CNTN2: variants seen among roughly 807,000 people sequenced by gnomAD.
CNTN2 encodes the protein contactin-2.
Under a neutral mutation model 117.5 loss-of-function variants are expected in CNTN2, and 53 were observed. The observed-to-expected ratio is 0.45, with a 90% CI of 0.36 to 0.57. CNTN2 has a LOEUF of 0.57. Among genes scored for constraint, CNTN2 ranks in the 20% least tolerant of loss-of-function variants. The pLI, the probability that CNTN2 is intolerant of heterozygous loss-of-function variation, is 0.00. For missense variants in CNTN2, 1,106 were observed against 1,404.3 expected, an observed-to-expected ratio of 0.79 and a Z score of 3.39; for synonymous variants, 530 against 561.7, an observed-to-expected ratio of 0.94 and a Z score of 0.80.
intron 7 of CNTN2, chr1:205,060,863 G>C (rs947484179): frequency 9.6e-6 from 2 of 208,206 alleles, no homozygotes; most frequent in Non-Finnish European, 9.5e-6. Context: ...CTGCCCTGTA[G>C]AGGCAACGGA....
chr1:205,064,732 G>A lies in CNTN2; in HGVS notation c.1501G>A (p.Gly501Arg), dbSNP rs1064794478. ...CTTCATGGGCAAAGCCAACAGCACT[G>A]GAATCCTATCTGTGCGAGGTGAGGG... ...ENFMGKANSTGILSVRDATKI... is the reference protein window; with the variant it reads ...ENFMGKANSTRILSVRDATKI... Residue 501 changes from glycine (G) to arginine (R), a missense_variant, in exon 12 of 23, where the codon GGA (glycine) becomes AGA (arginine). Coordinates refer to ENST00000331830, the MANE Select transcript of CNTN2 (RefSeq NM_005076.5). The A allele has an allele frequency of 3.7e-6, 6 of 1,614,080 alleles. No individual in the cohort carries two copies. In the Middle Eastern group the frequency reaches 6.6e-4, roughly 178 times the overall value.
At chr1:205,070,095 C>G (rs1046617299) in intron 18 of CNTN2, 34 bp downstream of exon 18, 3 of 1,594,656 alleles carry the variant, frequency 1.9e-6, no homozygotes, top group African/African-American at 1.3e-5. Flanking sequence ...CTCGTCCCTA[C>G]CCCAGCCACT....
In CNTN2 at chr1:205,065,745, G is replaced by C; in HGVS notation, c.1696-44G>C. ...TCTCATGGCCTGCTGCACTGGTCAG[G>C]GCCGGTGGTCTGACCTGCTGCCCCT... On this transcript the variant is annotated intron_variant, in intron 13 of 22. Transcript: ENST00000331830. This position sits in a 1 kb window ranked among gnomAD's most constrained non-coding sequence, Gnocchi z 4.1. 1 of 1,613,478 alleles carries C rather than the reference G, an allele frequency of 6.2e-7. No homozygotes were observed. Among genetic ancestry groups the C allele is most frequent in the Non-Finnish European group, 8.5e-7 (1 of 1,179,874 alleles).
intron 1 of CNTN2, among the ~76,000 whole-genome samples, chr1:205,049,088 G>A (rs1323750844): frequency 1.3e-5 from 2 of 152,050 alleles, no homozygotes; most frequent in African/African-American, 4.8e-5. Context: ...TCTCCTCTAA[G>A]GCTGTATGTC....
intron 7 of CNTN2, chr1:205,060,769 T>C (rs1231456083): frequency 6.5e-6 from 1 of 153,380 alleles, no homozygotes; most frequent in Admixed American, 6.6e-5. Context: ...GGGGAATATA[T>C]TAACCCATTA....
chr1:205,057,762 G>A (rs1054515028), intron 2 of CNTN2, 159 bp from the exon 3 acceptor site: 1 of 665,602 alleles, frequency 1.5e-6, no homozygotes, highest in Non-Finnish European at 2.5e-6. Context: ...CATGTCAAGT[G>A]CTCGATAGCC....
In CNTN2 at chr1:205,064,609, T is replaced by C. The variant is rs756676784; in HGVS notation, c.1392-14T>C. On this transcript the variant is annotated splice_polypyrimidine_tract_variant and intron_variant, in intron 11 of 22. Transcript: ENST00000331830. ...ATGCCTGAGTTGGCCACATCTGCCT[T>C]GTCCTTGCCACAGAGTGACTGTAAC... 11 of 1,613,612 alleles carry C rather than the reference T, an allele frequency of 6.8e-6. No homozygotes were observed. The highest frequency in any genetic ancestry group is 2.2e-5 in the South Asian group (2 of 91,030).
At chr1:205,068,136 A>AG (rs992723456) in intron 16 of CNTN2, 2 of 151,984 alleles carry the variant, frequency 1.3e-5, no homozygotes, top group African/African-American at 2.4e-5. Flanking sequence ...GTGGAGAAGG[A>AG]GGGGGAGAAA....
At position 205,066,336 on chromosome 1, in the gene CNTN2, T is replaced by A. The variant is rs1409721228; in HGVS notation, c.1817-105T>A. On this transcript the variant is annotated intron_variant, in intron 14 of 22. Transcript: ENST00000331830. ...GGTGTGTGTTCACTGCATCCTCTGC[T>A]GCCCTGTCTTGGTACTGTACCAGCT... is the stretch of plus-strand genomic sequence containing the variant. 6 of 1,372,548 alleles carry A rather than the reference T, an allele frequency of 4.4e-6. No individual in the cohort carries two copies. The Admixed American group carries it at 6.2e-5, about 14-fold the overall frequency. 85.0% of individuals were successfully genotyped at this position (1,372,548 alleles called of 1,614,324 possible).
At chr1:205,055,408 T>C (rs1052365894) in intron 2 of CNTN2, among the ~76,000 whole-genome samples, 1 of 152,062 alleles carries the variant, frequency 6.6e-6, no homozygotes, top group Non-Finnish European at 1.5e-5. Flanking sequence ...TGTCTGTGGA[T>C]ATGGATGGCT....
chr1:205,070,825 G>A (rs575153623), intron 19 of CNTN2: 44 of 208,298 alleles, frequency 2.1e-4, no homozygotes, highest in African/African-American at 9.8e-4. Context: ...GTGAAGCCCC[G>A]CCTCTACTAA....
chr1:205,069,782 A>T (rs763695502), intron 17 of CNTN2, 45 bp from the exon 18 acceptor site: 2 of 1,581,274 alleles, frequency 1.3e-6, no homozygotes, highest in Non-Finnish European at 1.7e-6. Flanking sequence ...ACGGGCAGGG[A>T]CACATGCCGC....
intron 2 of CNTN2, chr1:205,057,624 T>A (rs1477726505): frequency 1.1e-5 from 3 of 267,994 alleles, no homozygotes; most frequent in African/African-American, 2.2e-5. Flanking sequence ...GCTCAATACC[T>A]AAGTGTAGGA....
At chr1:205,067,434 T>A in intron 16 of CNTN2, 184 bp downstream of exon 16, 1 of 568,012 alleles carries the variant, frequency 1.8e-6, no homozygotes, top group African/African-American at 1.9e-5. Context: ...GGACAAACCA[T>A]CTAGTCCAAA....
At position 205,065,161 on chromosome 1, in the gene CNTN2, G is replaced by A; in HGVS notation, c.1594G>A (p.Ala532Thr). ...LGDNLTLQCHASHDPTMDLTF... is the reference protein window; with the variant it reads ...LGDNLTLQCHTSHDPTMDLTF... ...TGACAACCTGACCCTACAGTGCCAT[G>A]CCTCCCACGACCCCACCATGGACCT... The change falls in exon 13 of 23, where the codon GCC becomes ACC. Residue 532 changes from alanine to threonine, a missense_variant. Coordinates refer to ENST00000331830, the MANE Select transcript of CNTN2 (RefSeq NM_005076.5). This position sits in a 1 kb window ranked among gnomAD's most constrained non-coding sequence, Gnocchi z 4.1. 6.2e-7 allele frequency: 1 copy of A among 1,614,104 alleles called. No homozygotes were observed. The highest frequency in any genetic ancestry group is 8.5e-7 in the Non-Finnish European group (1 of 1,180,018).
chr1:205,059,013 G>T lies in CNTN2; in HGVS notation c.488-71G>T. 4.3e-6 allele frequency: 6 copies of T among 1,394,158 alleles called. No homozygotes were observed. The highest frequency in any genetic ancestry group is 1.8e-4 in the Middle Eastern group (1 of 5,636). The allele number at this position is 1,394,158 out of a possible 1,614,324, so 86.4% of individuals were successfully genotyped here. A position where few individuals can be genotyped will look rare whatever the true frequency, so the allele number is the denominator to read the frequency against. ...AGGGCTTGCAGAACCGCACCAGCATGCTGGGGTCCCACCCAGAGTGGCCCT... is the reference window on the plus strand; with the variant it reads ...AGGGCTTGCAGAACCGCACCAGCATTCTGGGGTCCCACCCAGAGTGGCCCT... On this transcript the variant is annotated intron_variant, in intron 5 of 22. Coordinates refer to ENST00000331830, the MANE Select transcript of CNTN2 (RefSeq NM_005076.5). This position sits in a 1 kb window ranked among gnomAD's most constrained non-coding sequence, Gnocchi z 5.6.
Position 205,064,471 on chromosome 1 carries a change from AG to A in CNTN2, c.1391+1del. The A allele has an allele frequency of 1.9e-6, 3 of 1,608,110 alleles. No homozygotes were observed. The highest frequency in any genetic ancestry group is 2.6e-6 in the Non-Finnish European group (3 of 1,175,340). On this transcript the variant is annotated frameshift_variant and splice_region_variant, in exon 11 of 23. Coordinates refer to ENST00000331830, the MANE Select transcript of CNTN2 (RefSeq NM_005076.5). LOFTEE classifies it high-confidence loss of function. The stretch of plus-strand genomic sequence containing the variant: ...CACGGAGATTTTGGTCAACAGCAGC[AG>A]GTACCACCCACACCCCACCCTGCAC... ...KGTEILVNSS[R>X]VTVTPDGTLI...
At position 205,067,411 on chromosome 1, in the gene CNTN2, A is replaced by G. The variant is rs186564424; in HGVS notation, c.2125+161A>G. ...GAGGACAGAACACCAAGTTGGGACC[A>G]GGGCCACTGCATGGACAAACCATCT... On this transcript the variant is annotated intron_variant, in intron 16 of 22. Coordinates refer to ENST00000331830, the MANE Select transcript of CNTN2 (RefSeq NM_005076.5). 35 of 783,642 alleles carry G rather than the reference A, an allele frequency of 4.5e-5. No individual in the cohort carries two copies. The East Asian group carries it at 9.6e-4, about 21-fold the overall frequency. 48.5% of individuals were successfully genotyped at this position (783,642 alleles called of 1,614,324 possible).
rs2151198598 is a variant in CNTN2, at chr1:205,069,994, C to T, written c.2364C>T (p.Ile788=). 6.2e-7 allele frequency: 1 copy of T among 1,613,670 alleles called. No homozygotes were observed. Among genetic ancestry groups the T allele is most frequent in the South Asian group, 1.1e-5 (1 of 91,090 alleles). ...VRPYTPFEVK[I]RSYNRRGDGP... ...CCTACACGCCCTTTGAGGTCAAGATCCGCAGCTACAACCGCCGCGGGGATG... is the reference window on the plus strand; with the variant it reads ...CCTACACGCCCTTTGAGGTCAAGATTCGCAGCTACAACCGCCGCGGGGATG... Residue 788 remains isoleucine (I), a synonymous_variant, in exon 18 of 23, where the codon ATC becomes ATT. Coordinates refer to ENST00000331830, the MANE Select transcript of CNTN2 (RefSeq NM_005076.5).
Sources: allele counts gnomAD v4.1 joint callset (sites outside exome capture counted in the v4.1 genomes callset), GRCh38; gene constraint gnomAD v4.1.1; non-coding constraint Gnocchi (gnomAD v3.1); transcripts MANE v1.5; gene names NCBI Gene and HGNC (gene_info 2026-07-23, HGNC 2026-07-21).